WWOX: variants seen among roughly 807,000 people sequenced by gnomAD.
WWOX encodes the protein WW domain-containing oxidoreductase.
Under a neutral mutation model 46.2 loss-of-function variants are expected in WWOX, and 69 were observed. That is an observed-to-expected ratio of 1.49 (90% CI 1.23 to 1.82). WWOX has a LOEUF of 1.82. Among genes scored for constraint, WWOX ranks in the 40% most tolerant of loss-of-function variants. The probability of loss-of-function intolerance (pLI) is 0.00; values close to 1 mark genes in which losing one functional copy is unlikely to be tolerated. For synonymous variants in WWOX, 359 were observed against 202.6 expected (o/e 1.77, Z -6.56); for missense variants, 919 against 542.6 (o/e 1.69, Z -6.89).
chr16:79,195,326 T>C (rs916997731), intron 8 of WWOX, among the ~76,000 whole-genome samples: 8 of 152,092 alleles, frequency 5.3e-5, no homozygotes, highest in Non-Finnish European at 1.0e-4. Context: ...GAGATGCGAA[T>C]GCTCCAGTCA....
At chr16:78,630,425 G>T (rs73565217) in intron 8 of WWOX, among the ~76,000 whole-genome samples, 12 of 152,302 alleles carry the variant, frequency 7.9e-5, no homozygotes, top group African/African-American at 2.4e-4. Context: ...TTCCTTTGTG[G>T]AGGCTGGAAT....
intron 8 of WWOX, among the ~76,000 whole-genome samples, chr16:79,168,699 C>G (rs1479001266): frequency 6.6e-6 from 1 of 152,072 alleles, no homozygotes; most frequent in African/African-American, 2.4e-5. Context: ...TGTGAAGCCC[C>G]TCAGGGAAGA....
Position 78,802,945 on chromosome 16 carries a change from ACAAAC to A in WWOX, c.1056+370194_1056+370198del, listed in dbSNP as rs2050933732. 1.9e-3 allele frequency among the ~76,000 whole-genome samples: 46 copies of A among 23,990 alleles called. 5 individuals carry two copies. The highest frequency in any genetic ancestry group is 3.9e-3 in the Non-Finnish European group (32 of 8,114). The allele number at this position is 23,990 out of a possible 152,430, so 15.7% of individuals were successfully genotyped here. ...AAAAAAAAAAAAAAAAAAAAAAACAACAAACAGAAAAATGAACGAGTGAGTGGCAA... is the reference window on the plus strand; with the variant it reads ...AAAAAAAAAAAAAAAAAAAAAAACAAAGAAAAATGAACGAGTGAGTGGCAA... On this transcript the variant is annotated intron_variant, in intron 8 of 8. Coordinates refer to ENST00000566780, the MANE Select transcript of WWOX (RefSeq NM_016373.4).
intron 8 of WWOX, among the ~76,000 whole-genome samples, chr16:78,792,704 A>G (rs921567944): frequency 3.3e-5 from 5 of 152,202 alleles, no homozygotes; most frequent in African/African-American, 1.2e-4. Flanking sequence ...ATACAAGTCT[A>G]TAGAGGCATC....
At chr16:78,438,032 G>C (rs1020239004) in intron 8 of WWOX, among the ~76,000 whole-genome samples, 1 of 152,022 alleles carries the variant, frequency 6.6e-6, no homozygotes, top group Non-Finnish European at 1.5e-5. Flanking sequence ...TGCACATAAG[G>C]GATTTTCAAG....
At chr16:79,074,580 C>G (rs1172055085) in intron 8 of WWOX, among the ~76,000 whole-genome samples, 2 of 151,824 alleles carry the variant, frequency 1.3e-5, no homozygotes, top group East Asian at 3.9e-4. Context: ...GAGTAGCATT[C>G]TACACTTAAG....
chr16:78,372,563 C>T (rs1323840189), intron 5 of WWOX, among the ~76,000 whole-genome samples: 4 of 152,136 alleles, frequency 2.6e-5, no homozygotes, highest in African/African-American at 7.2e-5. Context: ...GGGAAGTGCC[C>T]TGTCCATTAT....
chr16:78,963,991 A>G (rs550783074), intron 8 of WWOX, among the ~76,000 whole-genome samples: 47 of 152,290 alleles, frequency 3.1e-4, no homozygotes, highest in Non-Finnish European at 6.2e-4. Flanking sequence ...CCACCATGTA[A>G]GAAGTGCCTT....
intron 8 of WWOX, among the ~76,000 whole-genome samples, chr16:78,752,529 C>T (rs1314873532): frequency 6.6e-6 from 1 of 152,160 alleles, no homozygotes; most frequent in African/African-American, 2.4e-5. Context: ...CTCAGGCTTC[C>T]CAAAGTGCTG....
chr16:78,602,245 T>A (rs2151618528), intron 8 of WWOX, among the ~76,000 whole-genome samples: 1 of 152,192 alleles, frequency 6.6e-6, no homozygotes, highest in South Asian at 2.1e-4. Flanking sequence ...CTGGATAGAT[T>A]TTTTTTAGAC....
chr16:78,309,478 C>G (rs552776949), intron 5 of WWOX, among the ~76,000 whole-genome samples: 1 of 152,250 alleles, frequency 6.6e-6, no homozygotes, highest in African/African-American at 2.4e-5. Context: ...AAGCCCTCAT[C>G]CCCATCACTT....
intron 8 of WWOX, among the ~76,000 whole-genome samples, chr16:78,686,335 C>T (rs1006793914): frequency 2.0e-5 from 3 of 152,092 alleles, no homozygotes; most frequent in Non-Finnish European, 4.4e-5. Context: ...GTCGGTGAAA[C>T]CCCGCCTCTA....
intron 8 of WWOX, among the ~76,000 whole-genome samples, chr16:79,099,910 C>T (rs1443842110): frequency 6.6e-6 from 1 of 152,112 alleles, no homozygotes; most frequent in African/African-American, 2.4e-5. Context: ...GTTGCCTAGG[C>T]AAGTCTGAAA....
At chr16:78,696,819 A>C (rs1338479715) in intron 8 of WWOX, among the ~76,000 whole-genome samples, 6 of 151,612 alleles carry the variant, frequency 4.0e-5, no homozygotes, top group Admixed American at 3.9e-4. Context: ...CCCTTTTACC[A>C]CTCTTTCCCT....
intron 5 of WWOX, among the ~76,000 whole-genome samples, chr16:78,217,946 CT>C (rs2036775644): frequency 6.6e-6 from 1 of 152,188 alleles, no homozygotes; most frequent in Non-Finnish European, 1.5e-5. Flanking sequence ...TGGTTTCTTC[CT>C]TGTATTTATG....
Position 78,659,421 on chromosome 16 carries a change from A to T in WWOX, c.1056+226669A>T, listed in dbSNP as rs554292327. On this transcript the variant is annotated intron_variant, in intron 8 of 8. Transcript: ENST00000566780. ...ATGTGCTCACCCTCAGGCTCGCCCC[A>T]CCCCGCCAGACTTCCTGAACCAGAA... Among the ~76,000 whole-genome samples the T allele has an allele frequency of 1.3e-4, 20 of 151,924 alleles. No individual in the cohort carries two copies. In the South Asian group the frequency reaches 4.0e-3, roughly 30 times the overall value.
At chr16:79,155,590 G>C (rs968795492) in intron 8 of WWOX, among the ~76,000 whole-genome samples, 4 of 152,134 alleles carry the variant, frequency 2.6e-5, no homozygotes, top group African/African-American at 4.8e-5. Context: ...TTGACATAGA[G>C]AGCCAATCCC....
chr16:78,241,838 C>T (rs1444474466), intron 5 of WWOX, among the ~76,000 whole-genome samples: 1 of 152,202 alleles, frequency 6.6e-6, no homozygotes, highest in Non-Finnish European at 1.5e-5. Flanking sequence ...GTGGTCACTG[C>T]TCCCCTTCTT....
intron 8 of WWOX, among the ~76,000 whole-genome samples, chr16:79,187,324 G>C (rs1041562886): frequency 6.6e-6 from 1 of 152,158 alleles, no homozygotes; most frequent in Non-Finnish European, 1.5e-5. Context: ...CCCAAACATG[G>C]ATTTAACAAG....
Sources: allele counts gnomAD v4.1 joint callset (sites outside exome capture counted in the v4.1 genomes callset), GRCh38; gene constraint gnomAD v4.1.1; transcripts MANE v1.5; gene names NCBI Gene and HGNC (gene_info 2026-07-23, HGNC 2026-07-21).